The following MAST4 variants were observed in gnomAD, a reference collection of about 807,000 sequenced individuals.
MAST4 encodes the protein microtubule associated serine/threonine kinase family member 4.
A neutral mutation model predicts 162.7 loss-of-function variants in MAST4; 89 were observed. The observed-to-expected ratio is 0.55, with a 90% CI of 0.46 to 0.65. The LOEUF (loss-of-function observed/expected upper bound fraction) is 0.65, where lower values mean the gene tolerates loss of function less well. Among genes scored for constraint, MAST4 ranks in the 30% least tolerant of loss-of-function variants. The pLI, the probability that MAST4 is intolerant of heterozygous loss-of-function variation, is 0.00. For missense variants in MAST4, 3,153 were observed against 3,374.0 expected (o/e 0.93, Z 1.62); for synonymous variants, 1,479 against 1,361.1 (o/e 1.09, Z -1.91).
At chr5:66,968,359 G>A (rs900731200) in intron 4 of MAST4, among the ~76,000 whole-genome samples, 2 of 152,190 alleles carry the variant, frequency 1.3e-5, no homozygotes, top group African/African-American at 4.8e-5. Context: ...AGAGTTGGCA[G>A]TAGAGAAGGT....
intron 1 of MAST4, among the ~76,000 whole-genome samples, chr5:66,730,990 A>G (rs964204174): frequency 7.9e-5 from 12 of 152,176 alleles, no homozygotes; most frequent in African/African-American, 2.9e-4. Flanking sequence ...ATCAAGTCCT[A>G]CCTAAGTAGG....
intron 5 of MAST4, among the ~76,000 whole-genome samples, chr5:67,080,583 C>T (rs1001389838): frequency 6.6e-6 from 1 of 151,938 alleles, no homozygotes. Flanking sequence ...ATGAAAGGAC[C>T]GGAAAGGCCA....
chr5:66,818,435 A>AT (rs933451228), intron 3 of MAST4, among the ~76,000 whole-genome samples: 1 of 151,982 alleles, frequency 6.6e-6, no homozygotes, highest in Non-Finnish European at 1.5e-5. Flanking sequence ...AAAAATAAAA[A>AT]AAAAAACAGA....
chr5:67,098,139 T>G (rs931950005), intron 7 of MAST4, among the ~76,000 whole-genome samples: 1 of 152,178 alleles, frequency 6.6e-6, no homozygotes, highest in Non-Finnish European at 1.5e-5. Flanking sequence ...GAAAATATAG[T>G]TTAAACTTTA....
chr5:66,912,831 CAA>C (rs1763864885), intron 4 of MAST4, among the ~76,000 whole-genome samples: 1 of 152,022 alleles, frequency 6.6e-6, no homozygotes, highest in Non-Finnish European at 1.5e-5. Context: ...AGAATTAAAA[CAA>C]AGAGACTTCA....
intron 2 of MAST4, among the ~76,000 whole-genome samples, chr5:66,769,892 C>T (rs777298348): frequency 2.0e-5 from 3 of 152,158 alleles, no homozygotes; most frequent in Non-Finnish European, 2.9e-5. Flanking sequence ...AGAAAAAGCC[C>T]AGATCCACAT....
In MAST4 at chr5:66,847,838, AAAAAAG is replaced by A. The variant is rs1278582879; in HGVS notation, c.643-52107_643-52102del. 5.3e-5 allele frequency among the ~76,000 whole-genome samples: 8 copies of A among 151,080 alleles called. No homozygotes were observed. In the South Asian group the frequency reaches 1.3e-3, roughly 24 times the overall value. On this transcript the variant is annotated intron_variant, in intron 3 of 28. Coordinates refer to ENST00000403625, the MANE Select transcript of MAST4 (RefSeq NM_001164664.2). ...TCCTTCTCAAAAAAAAAAAAAAAAA[AAAAAAG>A]AAAAACCTTAACAGTAGCTCAAAGC...
intron 3 of MAST4, among the ~76,000 whole-genome samples, chr5:66,869,195 T>G (rs976018593): frequency 1.3e-5 from 2 of 152,168 alleles, no homozygotes; most frequent in African/African-American, 4.8e-5. Flanking sequence ...TAACTTCTTT[T>G]AGGGGGAAAA....
At chr5:66,977,124 G>C (rs1748242830) in intron 4 of MAST4, among the ~76,000 whole-genome samples, 1 of 152,114 alleles carries the variant, frequency 6.6e-6, no homozygotes, top group Non-Finnish European at 1.5e-5. Context: ...TTTTGAGACA[G>C]AGTTTTGTTC....
chr5:66,882,163 A>G (rs1337695830), intron 3 of MAST4, among the ~76,000 whole-genome samples: 1 of 152,080 alleles, frequency 6.6e-6, no homozygotes. Context: ...ACATACCTTT[A>G]TCTATTTCCT....
intron 6 of MAST4, among the ~76,000 whole-genome samples, chr5:67,092,962 A>C (rs1764030664): frequency 6.6e-6 from 1 of 152,162 alleles, no homozygotes; most frequent in Non-Finnish European, 1.5e-5. Context: ...AGTAGATTTT[A>C]GTTATTTTAG....
At chr5:67,139,756 A>G (rs2151025091) in intron 19 of MAST4, among the ~76,000 whole-genome samples, 1 of 152,244 alleles carries the variant, frequency 6.6e-6, no homozygotes, top group South Asian at 2.1e-4. Context: ...CGATGCTATC[A>G]CCCGTATTTT....
At chr5:66,642,544 G>A (rs751048102) in intron 1 of MAST4, among the ~76,000 whole-genome samples, 7 of 152,118 alleles carry the variant, frequency 4.6e-5, no homozygotes, top group Admixed American at 2.0e-4. Flanking sequence ...TTAGAGAGAC[G>A]TACAGAAACT....
In MAST4 at chr5:66,732,171, G is replaced by A. The variant is rs191553255; in HGVS notation, c.364-27538G>A. 4.6e-5 allele frequency among the ~76,000 whole-genome samples: 7 copies of A among 152,114 alleles called. No homozygotes were observed. The East Asian group carries it at 1.2e-3, about 25-fold the overall frequency. On this transcript the variant is annotated intron_variant, in intron 1 of 28. Transcript: ENST00000403625. ...ACTATTTCTTAGCTTTACAATGTCC[G>A]GTTTCCTATTGACTTTCAGTTACTG... is the stretch of plus-strand genomic sequence containing the variant.
chr5:66,781,566 A>C (rs1754871421), intron 2 of MAST4, among the ~76,000 whole-genome samples: 2 of 152,082 alleles, frequency 1.3e-5, no homozygotes, highest in Admixed American at 1.3e-4. Context: ...AAATCTCCCC[A>C]AAACCCTTGA....
At chr5:67,064,850 C>A (rs548593757) in intron 5 of MAST4, among the ~76,000 whole-genome samples, 1 of 152,250 alleles carries the variant, frequency 6.6e-6, no homozygotes, top group East Asian at 1.9e-4. Flanking sequence ...TCTTGAAAAA[C>A]TAGAGTCTCA....
chr5:66,910,720 A>G (rs1489353010), intron 4 of MAST4, among the ~76,000 whole-genome samples: 1 of 136,656 alleles, frequency 7.3e-6, no homozygotes, highest in Non-Finnish European at 1.6e-5. Flanking sequence ...CCATCTGAAT[A>G]CACATGTGGT....
chr5:67,052,246 A>T (rs1436921346), intron 4 of MAST4, among the ~76,000 whole-genome samples: 2 of 152,168 alleles, frequency 1.3e-5, no homozygotes, highest in East Asian at 3.8e-4. Flanking sequence ...AAAGATTAGA[A>T]ATCTGTATAG....
chr5:66,920,615 C>G (rs537991002), intron 4 of MAST4, among the ~76,000 whole-genome samples: 3 of 152,034 alleles, frequency 2.0e-5, no homozygotes, highest in Non-Finnish European at 2.9e-5. Flanking sequence ...CTCAGCCTCC[C>G]GAGTAGCTGG....
Sources: allele counts gnomAD v4.1 joint callset (sites outside exome capture counted in the v4.1 genomes callset), GRCh38; gene constraint gnomAD v4.1.1; transcripts MANE v1.5; gene names NCBI Gene and HGNC (gene_info 2026-07-23, HGNC 2026-07-21).